Variants in CD300E observed in about 807,000 individuals in gnomAD.
CD300E encodes CMRF35-like molecule 2.
A neutral mutation model predicts 20.9 loss-of-function variants in CD300E; 14 were observed. The ratio of observed to expected loss-of-function variants is 0.67; its 90% confidence interval spans 0.44 to 1.05. The LOEUF is 1.05. Ranked by LOEUF, CD300E falls within the 50% of genes least tolerant of loss-of-function variation. The probability of loss-of-function intolerance (pLI) is 0.00; values close to 1 mark genes in which losing one functional copy is unlikely to be tolerated. For missense variants in CD300E, 237 were observed against 253.9 expected, an observed-to-expected ratio of 0.93 and a Z score of 0.45; for synonymous variants, 102 against 103.7, an observed-to-expected ratio of 0.98 and a Z score of 0.10.
At position 74,623,567 on chromosome 17, in the gene CD300E, C is replaced by A. The variant is rs775173098; in HGVS notation, c.40+15G>T. ...CCCTGCAAAACCAAGTCCCCAAAGCCACAGCCCCACTCACCTGAGAGGCAG... is the reference window on the plus strand; with the variant it reads ...CCCTGCAAAACCAAGTCCCCAAAGCAACAGCCCCACTCACCTGAGAGGCAG... On this transcript the variant is annotated intron_variant, in intron 1 of 3. Transcript: ENST00000392619. 5.0e-6 allele frequency: 8 copies of A among 1,613,872 alleles called. No individual in the cohort carries two copies. Among genetic ancestry groups the A allele is most frequent in the Non-Finnish European group, 6.8e-6 (8 of 1,179,958 alleles).
chr17:74,612,802 C>G lies in CD300E; in HGVS notation c.498-29G>C, dbSNP rs149663617. ...TGGTGGACACGGTGAAAATGAGTCA[C>G]TTCCCCGGGAGAACCCCCAGGACCC... On this transcript the variant is annotated intron_variant, in intron 3 of 3. Transcript: ENST00000392619. The G allele has an allele frequency of 2.0e-3, 3,289 of 1,611,798 alleles. 8 individuals are homozygous for G. Among genetic ancestry groups the G allele is most frequent in the Non-Finnish European group, 2.5e-3 (2,937 of 1,179,242 alleles).
rs2143351671 is a variant in CD300E at position 74,612,671 on chromosome 17, C to T, written c.600G>A (p.Trp200Ter). 3 of 1,613,716 alleles carry T rather than the reference C, an allele frequency of 1.9e-6. No individual in the cohort carries two copies. The East Asian group carries it at 6.7e-5, about 36-fold the overall frequency. Residue 200 changes from tryptophan (W) to a stop codon, truncating the protein, a stop_gained, in exon 4 of 4, where the codon TGG becomes TGA. Coordinates refer to ENST00000392619, the MANE Select transcript of CD300E (RefSeq NM_181449.3). LOFTEE classifies it low-confidence loss of function (END_TRUNC). ...GAVFWVNRPQ[W>*]APPGR ...CCTGGCTCTATCTTCCAGGAGGAGC[C>T]CACTGAGGCCTGTTCACCCAGAAGA... is the stretch of plus-strand genomic sequence containing the variant.
At chr17:74,613,288 A>T (rs1436563004) in intron 3 of CD300E, among the ~76,000 whole-genome samples, 1 of 152,156 alleles carries the variant, frequency 6.6e-6, no homozygotes, top group Non-Finnish European at 1.5e-5. Flanking sequence ...TTCGTAGTAG[A>T]GACAGGGTTT....
chr17:74,617,282 C>A lies in CD300E; in HGVS notation c.224G>T (p.Arg75Leu). The change falls in exon 2 of 4, where the codon CGC becomes CTC. Residue 75 changes from arginine to leucine, a missense_variant. By Grantham distance (102) the Arg-to-Leu change is moderately radical. Coordinates refer to ENST00000392619, the MANE Select transcript of CD300E (RefSeq NM_181449.3). ...CTCCGGGTGGTCTCTGATGGACACG[C>A]GGCCATTCCTCTCCACCTTCTCTTC... ...KGEEKVERNG[R>L]VSIRDHPEAL... 6.2e-7 allele frequency: 1 copy of A among 1,614,208 alleles called. No homozygotes were observed. Among genetic ancestry groups the A allele is most frequent in the Non-Finnish European group, 8.5e-7 (1 of 1,180,032 alleles).
chr17:74,612,820 C>G (rs1266100938), intron 3 of CD300E, 47 bp from the exon 4 acceptor site: 1 of 1,605,636 alleles, frequency 6.2e-7, no homozygotes, highest in Non-Finnish European at 8.5e-7. Flanking sequence ...GGAGAACCCC[C>G]AGGACCCTTC....
intron 1 of CD300E, among the ~76,000 whole-genome samples, chr17:74,620,935 C>T (rs748642639): frequency 1.3e-5 from 2 of 151,744 alleles, no homozygotes; most frequent in Non-Finnish European, 2.9e-5. Flanking sequence ...CCCAGCTACT[C>T]GGGAGGCCGA....
rs1206028324 is a variant in CD300E at position 74,617,226 on chromosome 17, G to C, written c.280C>G (p.Leu94Val). 4 of 1,614,092 alleles carry C rather than the reference G, an allele frequency of 2.5e-6. No homozygotes were observed. Among genetic ancestry groups the C allele is most frequent in the African/African-American group, 2.7e-5 (2 of 74,918 alleles). ...ALAFTVTMQN[L>V]NEDDAGSYWC... ...TAAGATCCAGCATCATCTTCATTGA[G>C]GTTCTGCATGGTCACAGTGAAGGCG... The change falls in exon 2 of 4, where the codon CTC (leucine) becomes GTC (valine). Residue 94 changes from leucine to valine, a missense_variant. Coordinates refer to ENST00000392619, the MANE Select transcript of CD300E (RefSeq NM_181449.3).
rs545591203 is a variant in CD300E, at chr17:74,617,156, C to T, written c.350G>A (p.Arg117His). ...QTVWVLDSWSRDPSDLVRVYV... is the reference protein window; with the variant it reads ...QTVWVLDSWSHDPSDLVRVYV... ...CACCCTAACCAGGTCCGAGGGATCG[C>T]GTGACCATGAATCCAGGACCCACAC... The change falls in exon 2 of 4, where the codon CGC (arginine) becomes CAC (histidine). Residue 117 changes from arginine (R) to histidine (H), a missense_variant. Arg to His is a conservative substitution (Grantham distance 29, BLOSUM62 0). Transcript: ENST00000392619. 13 of 1,614,076 alleles carry T rather than the reference C, an allele frequency of 8.1e-6. No homozygotes were observed. Among genetic ancestry groups the T allele is most frequent in the Non-Finnish European group, 9.3e-6 (11 of 1,180,040 alleles).
At chr17:74,619,816 G>A (rs2030982312) in intron 1 of CD300E, among the ~76,000 whole-genome samples, 1 of 152,146 alleles carries the variant, frequency 6.6e-6, no homozygotes, top group South Asian at 2.1e-4. Context: ...AACTTTTCAA[G>A]CCATTCTAAG....
At position 74,612,528 on chromosome 17, in the gene CD300E, T is replaced by C. The variant is rs1475362868; in HGVS notation, c.*125A>G. 5 of 1,360,408 alleles carry C rather than the reference T, an allele frequency of 3.7e-6. No homozygotes were observed. Among genetic ancestry groups the C allele is most frequent in the Non-Finnish European group, 5.0e-6 (5 of 1,003,358 alleles). 84.3% of individuals were successfully genotyped at this position (1,360,408 alleles called of 1,614,324 possible). ...TCCTCTAAGAGCCAGGACCCTCCTTTGAGGCACAGGAACAATAAATCCCTC... is the reference window on the plus strand; with the variant it reads ...TCCTCTAAGAGCCAGGACCCTCCTTCGAGGCACAGGAACAATAAATCCCTC... On this transcript the variant is annotated 3_prime_UTR_variant, in exon 4 of 4. Coordinates refer to ENST00000392619, the MANE Select transcript of CD300E (RefSeq NM_181449.3).
chr17:74,613,270 T>C (rs2030824566), intron 3 of CD300E, among the ~76,000 whole-genome samples: 1 of 152,152 alleles, frequency 6.6e-6, no homozygotes, highest in African/African-American at 2.4e-5. Context: ...ACCTGGCTAA[T>C]TTTGTATTTC....
rs1256655406 is a variant in CD300E, at chr17:74,617,135, C to T, written c.371G>A (p.Arg124Lys). ...GCTCTTACCTGGGGAAACATACACC[C>T]TAACCAGGTCCGAGGGATCGCGTGA... ...SWSRDPSDLV[R>K]VYVSPAITTP... The change falls in exon 2 of 4, where the codon AGG becomes AAG. Residue 124 changes from arginine to lysine, a missense_variant. By Grantham distance (26) the Arg-to-Lys change is conservative (BLOSUM62 2). Coordinates refer to ENST00000392619, the MANE Select transcript of CD300E (RefSeq NM_181449.3). The T allele has an allele frequency of 1.2e-6, 2 of 1,614,112 alleles. No individual in the cohort carries two copies. The highest frequency in any genetic ancestry group is 1.7e-6 in the Non-Finnish European group (2 of 1,180,038).
In CD300E at chr17:74,623,613, C is replaced by A. The variant is rs759630438; in HGVS notation, c.9G>T (p.Leu3=). 3.1e-6 allele frequency: 5 copies of A among 1,614,072 alleles called. No homozygotes were observed. Among genetic ancestry groups the A allele is most frequent in the Admixed American group, 3.3e-5 (2 of 60,000 alleles). Residue 3 remains leucine (L), a synonymous_variant, in exon 1 of 4, where the codon CTG becomes CTT. Coordinates refer to ENST00000392619, the MANE Select transcript of CD300E (RefSeq NM_181449.3). ...GGCAGAGAAGGAGTAGAGCTGGGAG[C>A]AGCCACATGTTCCTGTCTCCTTGGC... MW[L]LPALLLLCLS...
At chr17:74,613,353 C>T (rs11653169) in intron 3 of CD300E, among the ~76,000 whole-genome samples, 47,830 of 152,032 alleles carry the variant, frequency 0.31, 8,556 homozygotes, top group Non-Finnish European at 0.41. Flanking sequence ...TCCACCGCCT[C>T]GGCCTCCCAA....
intron 1 of CD300E, 80 bp downstream of exon 1, chr17:74,623,502 G>A: frequency 7.1e-7 from 1 of 1,409,800 alleles, no homozygotes; most frequent in Non-Finnish European, 9.9e-7. Context: ...CTTCACCTCT[G>A]GTTTGAACCC....
Position 74,612,613 on chromosome 17 carries a change from C to T in CD300E, c.*40G>A, listed in dbSNP as rs963227873. The T allele has an allele frequency of 2.5e-6, 4 of 1,608,506 alleles. No homozygotes were observed. The African/African-American group carries it at 5.3e-5, about 21-fold the overall frequency. The stretch of plus-strand genomic sequence containing the variant: ...GGTTGACTCCCTGCACGGGGCACTC[C>T]TGGGGATGGGGCTCTGCAGGGCTTC... On this transcript the variant is annotated 3_prime_UTR_variant, in exon 4 of 4. Transcript: ENST00000392619.
intron 1 of CD300E, among the ~76,000 whole-genome samples, chr17:74,620,247 G>A (rs1399357148): frequency 4.6e-5 from 7 of 152,166 alleles, no homozygotes; most frequent in African/African-American, 1.4e-4. Context: ...CGAGGCGGGC[G>A]GATCACCAGA....
Position 74,612,562 on chromosome 17 carries a change from A to C in CD300E, c.*91T>G, listed in dbSNP as rs964471334. On this transcript the variant is annotated 3_prime_UTR_variant, in exon 4 of 4. Transcript: ENST00000392619. ...GGAACAATAAATCCCTCCAGAGTCC[A>C]CAGGTCTCTCGCATCCAGTCTGAAA... The C allele has an allele frequency of 6.6e-7, 1 of 1,510,026 alleles. No homozygotes were observed. Among genetic ancestry groups the C allele is most frequent in the African/African-American group, 1.4e-5 (1 of 72,678 alleles). The allele number at this position is 1,510,026 out of a possible 1,614,324, so 93.5% of individuals were successfully genotyped here.
In CD300E at chr17:74,612,596, C is replaced by A; in HGVS notation, c.*57G>T. ...TCGCATCCAGTCTGAAAGGTTGACTCCCTGCACGGGGCACTCCTGGGGATG... is the reference window on the plus strand; with the variant it reads ...TCGCATCCAGTCTGAAAGGTTGACTACCTGCACGGGGCACTCCTGGGGATG... On this transcript the variant is annotated 3_prime_UTR_variant, in exon 4 of 4. Transcript: ENST00000392619. The A allele has an allele frequency of 6.3e-7, 1 of 1,598,362 alleles. No homozygotes were observed. The highest frequency in any genetic ancestry group is 8.5e-7 in the Non-Finnish European group (1 of 1,174,728).
Sources: allele counts gnomAD v4.1 joint callset (sites outside exome capture counted in the v4.1 genomes callset), GRCh38; gene constraint gnomAD v4.1.1; transcripts MANE v1.5; gene names NCBI Gene and HGNC (gene_info 2026-07-23, HGNC 2026-07-21).